The following SPEF2 variants were observed in gnomAD, a reference collection of about 807,000 sequenced individuals.
SPEF2 encodes the protein sperm flagellar and cilia associated 2, also known as sperm flagella and cilia-associated protein 2.
Under a neutral mutation model 224.6 loss-of-function variants are expected in SPEF2, and 187 were observed. That is an observed-to-expected ratio of 0.83 (90% CI 0.74 to 0.94). The LOEUF is 0.94. Ranked by LOEUF, SPEF2 falls within the 40% of genes least tolerant of loss-of-function variation. The pLI, the probability that SPEF2 is intolerant of heterozygous loss-of-function variation, is 0.00. For missense variants in SPEF2, 2,170 were observed against 2,135.6 expected, an observed-to-expected ratio of 1.02 and a Z score of -0.32; for synonymous variants, 715 against 707.3, an observed-to-expected ratio of 1.01 and a Z score of -0.17.
chr5:35,677,008 G>A (rs1752116936), intron 10 of SPEF2, among the ~76,000 whole-genome samples: 1 of 152,056 alleles, frequency 6.6e-6, no homozygotes, highest in African/African-American at 2.4e-5. Context: ...AGCTTTTTGG[G>A]GGTGGCTTAT....
chr5:35,685,015 A>G (rs1753380849), intron 10 of SPEF2, among the ~76,000 whole-genome samples: 1 of 152,242 alleles, frequency 6.6e-6, no homozygotes, highest in Non-Finnish European at 1.5e-5. Context: ...AAGCAGAAGC[A>G]AGTAATCAAC....
intron 23 of SPEF2, among the ~76,000 whole-genome samples, chr5:35,749,999 A>G (rs562495407): frequency 9.2e-4 from 140 of 152,316 alleles, no homozygotes; most frequent in African/African-American, 3.3e-3. Flanking sequence ...CTGGTATAAA[A>G]ATAGGCACAT....
At chr5:35,703,838 T>C (rs1739193853) in intron 16 of SPEF2, among the ~76,000 whole-genome samples, 1 of 152,216 alleles carries the variant, frequency 6.6e-6, no homozygotes, top group South Asian at 2.1e-4. Flanking sequence ...AACAACTGAT[T>C]ACTATATCCT....
At chr5:35,789,305 A>G in intron 30 of SPEF2, 1 of 703,368 alleles carries the variant, frequency 1.4e-6, no homozygotes, top group Non-Finnish European at 2.6e-6. Flanking sequence ...TAAGAATAGA[A>G]ATTCCTCAAT....
intron 31 of SPEF2, among the ~76,000 whole-genome samples, chr5:35,792,656 G>A (rs924986869): frequency 2.0e-5 from 3 of 152,222 alleles, no homozygotes; most frequent in African/African-American, 7.2e-5. Flanking sequence ...TGATCTGTCA[G>A]TGAAATATTA....
intron 30 of SPEF2, chr5:35,790,268 T>C: frequency 1.6e-6 from 1 of 627,960 alleles, no homozygotes; most frequent in Admixed American, 2.6e-5. Flanking sequence ...ATTTTGACCC[T>C]AGGAAAGCTA....
chr5:35,661,567 C>T (rs1396701859), intron 8 of SPEF2, among the ~76,000 whole-genome samples: 2 of 151,832 alleles, frequency 1.3e-5, no homozygotes, highest in African/African-American at 4.8e-5. Flanking sequence ...CTGATCCTCT[C>T]TCTCCTCCCA....
rs557980513 is a variant in SPEF2, at chr5:35,741,856, C to A, written c.3330+1589C>A. Among the ~76,000 whole-genome samples the A allele has an allele frequency of 3.3e-5, 5 of 152,292 alleles. No homozygotes were observed. The South Asian group carries it at 1.0e-3, about 32-fold the overall frequency. ...TCTTTTTCCTACCTATTCATAAAGCCAGCCTTCCTGTATACTTCTTCCTCC... is the reference window on the plus strand; with the variant it reads ...TCTTTTTCCTACCTATTCATAAAGCAAGCCTTCCTGTATACTTCTTCCTCC... On this transcript the variant is annotated intron_variant, in intron 23 of 36. Transcript: ENST00000356031.
chr5:35,637,715 T>A (rs922484474), intron 2 of SPEF2, among the ~76,000 whole-genome samples: 3 of 152,114 alleles, frequency 2.0e-5, no homozygotes, highest in African/African-American at 7.2e-5. Context: ...CATCTCTTCC[T>A]CAAGTACATG....
chr5:35,793,119 T>C, intron 31 of SPEF2, 40 bp from the exon 32 acceptor site: 1 of 1,566,742 alleles, frequency 6.4e-7, no homozygotes, highest in Non-Finnish European at 8.7e-7. Context: ...CAAGATAGAT[T>C]CATGTAGATA....
chr5:35,704,713 A>C, intron 17 of SPEF2, 51 bp downstream of exon 17: 1 of 1,060,618 alleles, frequency 9.4e-7, no homozygotes, highest in Non-Finnish European at 1.5e-6. Context: ...TTTTAAATAG[A>C]TTGACAACAA....
intron 21 of SPEF2, among the ~76,000 whole-genome samples, chr5:35,736,016 G>A (rs143815593): frequency 6.6e-6 from 1 of 152,282 alleles, no homozygotes; most frequent in African/African-American, 2.4e-5. Context: ...AAGATGGCAT[G>A]AGAGGACTTC....
intron 10 of SPEF2, among the ~76,000 whole-genome samples, chr5:35,682,961 T>C (rs1207100471): frequency 1.3e-5 from 2 of 152,192 alleles, no homozygotes; most frequent in African/African-American, 4.8e-5. Flanking sequence ...GAGCTTAAGC[T>C]TGCCCTTGAA....
chr5:35,759,425 G>A (rs1750912710), intron 24 of SPEF2, 143 bp from the exon 25 acceptor site: 1 of 657,396 alleles, frequency 1.5e-6, no homozygotes, highest in African/African-American at 1.8e-5. Flanking sequence ...ATATAGACTT[G>A]TAACTAATGT....
chr5:35,797,317 GGTGT>G (rs3219619), intron 33 of SPEF2, among the ~76,000 whole-genome samples: 2,116 of 142,172 alleles, frequency 0.015, 32 homozygotes, highest in African/African-American at 0.037. Context: ...ATGGCTGACG[GGTGT>G]GTGTGTGTGT....
In SPEF2 at chr5:35,694,688, A is replaced by T. The variant is rs115014963; in HGVS notation, c.1975+325A>T. Among the ~76,000 whole-genome samples the T allele has an allele frequency of 9.0e-3, 1,365 of 152,286 alleles. 17 individuals carry two copies. Among genetic ancestry groups the T allele is most frequent in the African/African-American group, 0.032 (1,328 of 41,564 alleles). ...CAGACAGTCTTTTCTTGTTCTCACCAGTGTGTAAGACTGGGTATATGAGTA... is the reference window on the plus strand; with the variant it reads ...CAGACAGTCTTTTCTTGTTCTCACCTGTGTGTAAGACTGGGTATATGAGTA... On this transcript the variant is annotated intron_variant, in intron 13 of 36. Coordinates refer to ENST00000356031, the MANE Select transcript of SPEF2 (RefSeq NM_024867.4).
intron 2 of SPEF2, among the ~76,000 whole-genome samples, chr5:35,630,243 C>T (rs867540948): frequency 1.3e-5 from 2 of 152,144 alleles, no homozygotes; most frequent in African/African-American, 2.4e-5. Flanking sequence ...GTGGATCTAC[C>T]ATTCTGGTTT....
At position 35,763,624 on chromosome 5, in the gene SPEF2, C is replaced by A; in HGVS notation, c.3723C>A (p.Asn1241Lys). ...GCAAGATGGATAACTCCCTAGAAAACGTTGAGTCCAACTTTGAGGCCGATG... is the reference window on the plus strand; with the variant it reads ...GCAAGATGGATAACTCCCTAGAAAAAGTTGAGTCCAACTTTGAGGCCGATG... ...LKGKMDNSLE[N>K]VESNFEADEK... Residue 1241 changes from asparagine to lysine, a missense_variant, in exon 26 of 37, where the codon AAC (asparagine) becomes AAA (lysine). Transcript: ENST00000356031. The A allele has an allele frequency of 6.2e-7, 1 of 1,613,924 alleles. No individual in the cohort carries two copies. Among genetic ancestry groups the A allele is most frequent in the Non-Finnish European group, 8.5e-7 (1 of 1,179,924 alleles).
At chr5:35,706,215 T>G (rs1253224801) in intron 18 of SPEF2, among the ~76,000 whole-genome samples, 1 of 151,916 alleles carries the variant, frequency 6.6e-6, no homozygotes, top group Non-Finnish European at 1.5e-5. Flanking sequence ...CTTTGTTAGC[T>G]TTAGCATTAT....
Sources: allele counts gnomAD v4.1 joint callset (sites outside exome capture counted in the v4.1 genomes callset), GRCh38; gene constraint gnomAD v4.1.1; transcripts MANE v1.5; gene names NCBI Gene and HGNC (gene_info 2026-07-23, HGNC 2026-07-21).